The following GIN1 variants were observed in gnomAD, a reference collection of about 807,000 sequenced individuals.
GIN1 encodes gypsy retrotransposon integrase-like protein 1.
GIN1 carries 41 observed loss-of-function variants against 51.4 expected under a neutral mutation model. That is an observed-to-expected ratio of 0.80 (90% CI 0.62 to 1.04). The LOEUF (loss-of-function observed/expected upper bound fraction) is 1.04, where lower values mean the gene tolerates loss of function less well. GIN1 is among the 50% of genes least tolerant of loss of function. GIN1 has a pLI of 0.00. For synonymous variants in GIN1, 222 were observed against 206.5 expected, an observed-to-expected ratio of 1.07 and a Z score of -0.64; for missense variants, 610 against 612.4, an observed-to-expected ratio of 1.00 and a Z score of 0.04.
chr5:103,095,748 C>T (rs1787374168), intron 7 of GIN1, among the ~76,000 whole-genome samples: 2 of 152,162 alleles, frequency 1.3e-5, no homozygotes, highest in Admixed American at 1.3e-4. Flanking sequence ...ATGGTGAAAC[C>T]TCATCTCTAC....
At chr5:103,107,780 G>A (rs1232969544) in intron 2 of GIN1, among the ~76,000 whole-genome samples, 1 of 152,050 alleles carries the variant, frequency 6.6e-6, no homozygotes, top group Admixed American at 6.6e-5. Flanking sequence ...TAGTTTAAGA[G>A]GTAATAGGTC....
At chr5:103,091,783 G>A (rs993752179) in intron 7 of GIN1, among the ~76,000 whole-genome samples, 1 of 151,900 alleles carries the variant, frequency 6.6e-6, no homozygotes, top group Non-Finnish European at 1.5e-5. Context: ...CCAGTACTTT[G>A]GGAGGCCAAG....
At position 103,092,945 on chromosome 5, in the gene GIN1, CAAAAAAA is replaced by C. The variant is rs5870040; in HGVS notation, c.1294+3589_1294+3595del. ...CGGGCAACCATGTAAGAACCTGTCTCAAAAAAAAAAAAAAAAAAAAAAAAGGAAAAAA... is the reference window on the plus strand; with the variant it reads ...CGGGCAACCATGTAAGAACCTGTCTCAAAAAAAAAAAAAAAAAGGAAAAAA... On this transcript the variant is annotated intron_variant, in intron 7 of 7. Transcript: ENST00000399004. Among the ~76,000 whole-genome samples the C allele has an allele frequency of 1.8e-4, 11 of 60,492 alleles. No homozygotes were observed. The South Asian group carries it at 8.0e-3, about 44-fold the overall frequency. The allele number at this position is 60,492 out of a possible 152,430, so 39.7% of individuals were successfully genotyped here. A position where few individuals can be genotyped will look rare whatever the true frequency, so the allele number is the denominator to read the frequency against.
At chr5:103,099,702 C>T (rs1349128647) in intron 4 of GIN1, among the ~76,000 whole-genome samples, 2 of 152,170 alleles carry the variant, frequency 1.3e-5, no homozygotes, top group Non-Finnish European at 2.9e-5. Flanking sequence ...TCAGTTCTTA[C>T]AATTTTAGTT....
chr5:103,110,929 T>A (rs1030240090), intron 1 of GIN1, among the ~76,000 whole-genome samples: 1 of 152,174 alleles, frequency 6.6e-6, no homozygotes, highest in Admixed American at 6.6e-5. Flanking sequence ...TTTCAAACCA[T>A]CTGTGGTGAA....
chr5:103,090,453 G>C (rs1237573100), intron 7 of GIN1, among the ~76,000 whole-genome samples: 1 of 152,196 alleles, frequency 6.6e-6, no homozygotes, highest in East Asian at 1.9e-4. Context: ...GAGAAGGCTA[G>C]GCGGTAGTTT....
Position 103,087,919 on chromosome 5 carries a change from C to A in GIN1, c.1548G>T (p.Gln516His). ...TTTACTAACTTAAGTATTCAAGAAC[C>A]TGGTTTGAAGAGTCCAACAGACTGA... ...QTFSLLDSSN[Q>H]VLEYLS Residue 516 changes from glutamine to histidine, a missense_variant, in exon 8 of 8, where the codon CAG (glutamine) becomes CAT (histidine). Coordinates refer to ENST00000399004, the MANE Select transcript of GIN1 (RefSeq NM_017676.2). The A allele has an allele frequency of 2.0e-6, 3 of 1,504,962 alleles. No homozygotes were observed. The highest frequency in any genetic ancestry group is 2.0e-5 in the Admixed American group (1 of 49,318). The allele number at this position is 1,504,962 out of a possible 1,614,324, so 93.2% of individuals were successfully genotyped here.
intron 7 of GIN1, among the ~76,000 whole-genome samples, chr5:103,089,171 T>C (rs577849652): frequency 2.0e-5 from 3 of 152,340 alleles, no homozygotes; most frequent in African/African-American, 7.2e-5. Flanking sequence ...TCCTGGTCAG[T>C]GTTTTATTGT....
rs1554195147 is a variant in GIN1, at chr5:103,096,831, A to G, written c.1009-5T>C. ...ATCCAAATTGTTGTTCTCCATCTAC[A>G]AGTGTAAAAAGAAAAAGAACAAAGA... On this transcript the variant is annotated splice_polypyrimidine_tract_variant and splice_region_variant and intron_variant, in intron 6 of 7. Transcript: ENST00000399004. The G allele has an allele frequency of 1.3e-6, 2 of 1,551,234 alleles. No individual in the cohort carries two copies. Among genetic ancestry groups the G allele is most frequent in the East Asian group, 4.5e-5 (2 of 44,480 alleles).
rs782158464 is a variant in GIN1 at position 103,088,020 on chromosome 5, G to A, written c.1447C>T (p.Arg483Cys). ...DNELLTSSKD[R>C]ELLEYRNTKI... ...GTATTTCTATATTCTAATAGTTCAC[G>A]ATCCTTGCTTGATGTCAGTAATTCA... Residue 483 changes from arginine to cysteine, a missense_variant, in exon 8 of 8, where the codon CGT becomes TGT. Arg to Cys is a radical substitution (Grantham distance 180). Coordinates refer to ENST00000399004, the MANE Select transcript of GIN1 (RefSeq NM_017676.2). The A allele has an allele frequency of 2.4e-5, 38 of 1,607,838 alleles. 1 individual carries two copies. Among genetic ancestry groups the A allele is most frequent in the Middle Eastern group, 1.7e-4 (1 of 6,052 alleles).
chr5:103,089,785 C>A (rs1001627608), intron 7 of GIN1, among the ~76,000 whole-genome samples: 1 of 152,138 alleles, frequency 6.6e-6, no homozygotes, highest in Non-Finnish European at 1.5e-5. Context: ...GAAAATCAAT[C>A]CTACTGTACT....
intron 3 of GIN1, among the ~76,000 whole-genome samples, chr5:103,106,308 A>G (rs1787723314): frequency 6.6e-6 from 1 of 152,160 alleles, no homozygotes; most frequent in African/African-American, 2.4e-5. Flanking sequence ...TCAAAATGGA[A>G]CAGGCACAAA....
At chr5:103,109,228 T>C (rs1787808836) in intron 1 of GIN1, among the ~76,000 whole-genome samples, 1 of 152,128 alleles carries the variant, frequency 6.6e-6, no homozygotes, top group Non-Finnish European at 1.5e-5. Flanking sequence ...AGGTGCCATG[T>C]TGTTTACTTT....
chr5:103,114,573 A>C (rs1291407470), intron 1 of GIN1, among the ~76,000 whole-genome samples: 1 of 152,246 alleles, frequency 6.6e-6, no homozygotes, highest in Admixed American at 6.5e-5. Context: ...AAGTGTACAC[A>C]GTAGGAAGTG....
chr5:103,118,958 C>T (rs943951195), intron 1 of GIN1, among the ~76,000 whole-genome samples: 4 of 152,198 alleles, frequency 2.6e-5, no homozygotes, highest in African/African-American at 9.6e-5. Flanking sequence ...AAAATCATTA[C>T]TTAATGTACT....
intron 1 of GIN1, among the ~76,000 whole-genome samples, chr5:103,111,451 T>C (rs1447863331): frequency 6.6e-6 from 1 of 152,206 alleles, no homozygotes; most frequent in East Asian, 1.9e-4. Flanking sequence ...TATCCCATAC[T>C]AGCCAGTTGG....
In GIN1 at chr5:103,106,836, C is replaced by CT. The variant is rs1554196343; in HGVS notation, c.212dup (p.Lys72GlufsTer8). The stretch of plus-strand genomic sequence containing the variant: ...TTTCATGGCATTCTCTTAAGACTTT[C>CT]TTTTTTTCCTCTTCTGAAACAATTA... On this transcript the variant is annotated frameshift_variant, in exon 3 of 8. Coordinates refer to ENST00000399004, the MANE Select transcript of GIN1 (RefSeq NM_017676.2). LOFTEE classifies it high-confidence loss of function. 1 of 1,602,426 alleles carries CT rather than the reference C, an allele frequency of 6.2e-7. No individual in the cohort carries two copies. The highest frequency in any genetic ancestry group is 8.5e-7 in the Non-Finnish European group (1 of 1,173,304).
intron 2 of GIN1, 99 bp from the exon 3 acceptor site, chr5:103,107,008 T>A: frequency 1.6e-6 from 1 of 639,304 alleles, no homozygotes; most frequent in Non-Finnish European, 2.6e-6. Context: ...AAGGTTTTTG[T>A]TTTGTTTTGT....
intron 2 of GIN1, among the ~76,000 whole-genome samples, chr5:103,108,013 A>T (rs1018665567): frequency 1.3e-5 from 2 of 152,050 alleles, no homozygotes; most frequent in East Asian, 3.9e-4. Context: ...AAAAGAGGCA[A>T]AAATTATCAT....
Sources: gnomAD v4.1 joint callset for allele counts (sites outside exome capture counted in the v4.1 genomes callset) on GRCh38, gnomAD v4.1.1 for gene constraint, MANE v1.5 for transcripts, NCBI Gene and HGNC (gene_info 2026-07-23, HGNC 2026-07-21) for gene names.